Variants in ALS2 observed in about 807,000 individuals in gnomAD.
ALS2 encodes alsin.
A neutral mutation model predicts 203.4 loss-of-function variants in ALS2; 117 were observed. The ratio of observed to expected loss-of-function variants is 0.58; its 90% confidence interval spans 0.50 to 0.67. The LOEUF (loss-of-function observed/expected upper bound fraction) is 0.67, where lower values mean the gene tolerates loss of function less well. Among genes scored for constraint, ALS2 ranks in the 30% least tolerant of loss-of-function variants. The pLI is 0.00. For missense variants in ALS2, 1,715 were observed against 1,989.4 expected, an observed-to-expected ratio of 0.86 and a Z score of 2.62; for synonymous variants, 718 against 725.9, an observed-to-expected ratio of 0.99 and a Z score of 0.17.
intron 9 of ALS2, among the ~76,000 whole-genome samples, chr2:201,745,371 G>T (rs971508171): frequency 1.3e-5 from 2 of 151,830 alleles, no homozygotes; most frequent in Admixed American, 1.3e-4. Flanking sequence ...TAGCAAGAAA[G>T]ATCTTGTCCC....
rs1012550687 is a variant in ALS2, at chr2:201,760,716, A to G, written c.1113+165T>C. On this transcript the variant is annotated intron_variant, in intron 4 of 33. Coordinates refer to ENST00000264276, the MANE Select transcript of ALS2 (RefSeq NM_020919.4). ...AAACATAAAGAGTGATTTTGAATTAATCCAGGTTCTTTCCTTTATCTAGGC... is the reference window on the plus strand; with the variant it reads ...AAACATAAAGAGTGATTTTGAATTAGTCCAGGTTCTTTCCTTTATCTAGGC... The G allele has an allele frequency of 3.9e-5, 55 of 1,427,310 alleles. No individual in the cohort carries two copies. The African/African-American group carries it at 7.6e-4, about 20-fold the overall frequency. The allele number at this position is 1,427,310 out of a possible 1,614,324, so 88.4% of individuals were successfully genotyped here.
chr2:201,727,250 C>G lies in ALS2; in HGVS notation c.2941G>C (p.Glu981Gln), dbSNP rs1343061440. The G allele has an allele frequency of 7.4e-6, 12 of 1,613,268 alleles. No individual in the cohort carries two copies. The highest frequency in any genetic ancestry group is 1.0e-5 in the Non-Finnish European group (12 of 1,179,624). Residue 981 changes from glutamate (E) to glutamine (Q), a missense_variant, in exon 17 of 34, where the codon GAG becomes CAG. Coordinates refer to ENST00000264276, the MANE Select transcript of ALS2 (RefSeq NM_020919.4). ...VNGLKITTPE[E>Q]QFTLISSTPQ... ...GTAGATGAAATGAGAGTGAACTGCT[C>G]CTCAGGTGTAGTTATCTTTAAGCCA...
rs10655798 is a variant in ALS2 at position 201,769,002 on chromosome 2, T to TA, written c.-60-58dup. The TA allele has an allele frequency of 0.17, 105,220 of 613,666 alleles. 3,173 individuals are homozygous for TA. Among genetic ancestry groups the TA allele is most frequent in the East Asian group, 0.31 (9,496 of 31,054 alleles). The allele number at this position is 613,666 out of a possible 1,614,324, so 38.0% of individuals were successfully genotyped here. ...AAAGAATATTTTACCCCTCAGACAT[T>TA]AAAAAAAAAAAAAGCAGCCCTCTAA... On this transcript the variant is annotated intron_variant, in intron 1 of 33. Transcript: ENST00000264276.
Position 201,709,905 on chromosome 2 carries a change from A to G in ALS2, c.4256T>C (p.Leu1419Pro). The change falls in exon 27 of 34, where the codon CTT becomes CCT. Residue 1419 changes from leucine to proline, a missense_variant. Around this residue, in one of 3 missense-constraint regions of ALS2, gnomAD observed 1,227 missense variants for 1,413.5 expected, o/e 0.87. Transcript: ENST00000264276. ...CCTCACCAGCTGGAAAATTCGCTTA[A>G]GATAGGACTTAATCTCCTTTACAGC... The part of the protein sequence containing the change: ...QEAVKEIKSY[L>P]KRIFQLVRFL... 6.2e-7 allele frequency: 1 copy of G among 1,614,160 alleles called. No homozygotes were observed. The highest frequency in any genetic ancestry group is 8.5e-7 in the Non-Finnish European group (1 of 1,180,018).
In ALS2 at chr2:201,768,938, A is replaced by G. The variant is rs1694239862; in HGVS notation, c.-53T>C. On this transcript the variant is annotated 5_prime_UTR_variant, in exon 2 of 34. Coordinates refer to ENST00000264276, the MANE Select transcript of ALS2 (RefSeq NM_020919.4). The stretch of plus-strand genomic sequence containing the variant: ...ATCATTCCTTCTTTACAGAAAGTCT[A>G]TCAAGACCTAAACAGTACAAGTAAG... The G allele has an allele frequency of 1.9e-6, 3 of 1,559,856 alleles. No individual in the cohort carries two copies. In the African/African-American group the frequency reaches 4.1e-5, roughly 21 times the overall value.
rs1212837131 is a variant in ALS2 at position 201,701,439 on chromosome 2, A to C, written c.*412T>G. ...CTTGCAAACGGATCGGGGTAACTGC[A>C]GGTGGATTCAGGCAAACCAGAAATT... On this transcript the variant is annotated 3_prime_UTR_variant, in exon 34 of 34. Coordinates refer to ENST00000264276, the MANE Select transcript of ALS2 (RefSeq NM_020919.4). 2.4e-5 allele frequency: 4 copies of C among 170,078 alleles called. No homozygotes were observed. The East Asian group carries it at 6.4e-4, about 27-fold the overall frequency. The allele number at this position is 170,078 out of a possible 1,614,324, so 10.5% of individuals were successfully genotyped here. A position where few individuals can be genotyped will look rare whatever the true frequency, so the allele number is the denominator to read the frequency against.
intron 1 of ALS2, among the ~76,000 whole-genome samples, chr2:201,770,906 T>G (rs940579453): frequency 1.2e-4 from 19 of 152,340 alleles, no homozygotes; most frequent in Admixed American, 3.9e-4. Flanking sequence ...TGTGACAGAC[T>G]TTCAGCCCAC....
chr2:201,741,832 T>C lies in ALS2; in HGVS notation c.2193A>G (p.Thr731=), dbSNP rs757561918. The C allele has an allele frequency of 5.0e-6, 8 of 1,614,032 alleles. No homozygotes were observed. The Admixed American group carries it at 8.3e-5, about 17-fold the overall frequency. ...TAGCCACCTCCTGCAACAGCTGGAC[T>C]GTAGTTGTAGTGCCCAAATTTTCTA... is the stretch of plus-strand genomic sequence containing the variant. ...LSLENLGTTT[T]VQLLQEVASR... The change falls in exon 11 of 34, where the codon ACA becomes ACG. Residue 731 remains threonine, a synonymous_variant. Transcript: ENST00000264276.
At chr2:201,780,125 A>G (rs1694830488) in intron 1 of ALS2, 1 of 152,252 alleles carries the variant, frequency 6.6e-6, no homozygotes, top group African/African-American at 2.4e-5. Context: ...ATGCCACTTC[A>G]ACAAGAGTGT....
chr2:201,723,478 G>A, intron 21 of ALS2, 37 bp from the exon 22 acceptor site: 3 of 1,537,930 alleles, frequency 2.0e-6, no homozygotes, highest in Non-Finnish European at 2.7e-6. Flanking sequence ...AAGCACTGAA[G>A]ATAAGGATAA....
chr2:201,769,790 T>G (rs1694289650), intron 1 of ALS2, among the ~76,000 whole-genome samples: 2 of 152,138 alleles, frequency 1.3e-5, no homozygotes, highest in Non-Finnish European at 2.9e-5. Context: ...GGGGCCAAAT[T>G]TGTGGTTTTT....
rs896581478 is a variant in ALS2 at position 201,701,639 on chromosome 2, T to C, written c.*212A>G. ...AGGCCAAGAACTGGTCTAATCTGAT[T>C]TTTTACCTCCCTTTCAATCCTCCCT... On this transcript the variant is annotated 3_prime_UTR_variant, in exon 34 of 34. Coordinates refer to ENST00000264276, the MANE Select transcript of ALS2 (RefSeq NM_020919.4). The C allele has an allele frequency of 1.8e-6, 1 of 562,960 alleles. No individual in the cohort carries two copies. Among genetic ancestry groups the C allele is most frequent in the Non-Finnish European group, 3.2e-6 (1 of 313,490 alleles). 34.9% of individuals were successfully genotyped at this position (562,960 alleles called of 1,614,324 possible).
chr2:201,702,990 C>T (rs1689482578), intron 33 of ALS2, among the ~76,000 whole-genome samples: 1 of 152,080 alleles, frequency 6.6e-6, no homozygotes, highest in Non-Finnish European at 1.5e-5. Flanking sequence ...GTGGCAGGCA[C>T]TTGTAATCCC....
chr2:201,746,244 TATC>T (rs1025407035), intron 9 of ALS2, among the ~76,000 whole-genome samples: 3 of 152,186 alleles, frequency 2.0e-5, no homozygotes, highest in African/African-American at 7.2e-5. Flanking sequence ...GCTCATCAAA[TATC>T]ATCAAAATAT....
At chr2:201,744,450 A>G (rs1692494179) in intron 9 of ALS2, 21 bp from the exon 10 acceptor site, 1 of 1,608,948 alleles carries the variant, frequency 6.2e-7, no homozygotes, top group African/African-American at 1.3e-5. Flanking sequence ...AGAAAACAAA[A>G]GGATTAAATA....
chr2:201,736,394 G>A (rs531735938), intron 12 of ALS2, among the ~76,000 whole-genome samples: 31 of 152,116 alleles, frequency 2.0e-4, no homozygotes, highest in East Asian at 9.7e-4. Context: ...AAATACTTTC[G>A]AAAATATTTA....
rs757760832 is a variant in ALS2, at chr2:201,761,439, A to C, written c.555T>G (p.Thr185=). 6.2e-7 allele frequency: 1 copy of C among 1,607,228 alleles called. No homozygotes were observed. The highest frequency in any genetic ancestry group is 2.2e-5 in the East Asian group (1 of 44,682). Residue 185 remains threonine (T), a synonymous_variant, in exon 4 of 34, where the codon ACT becomes ACG. Coordinates refer to ENST00000264276, the MANE Select transcript of ALS2 (RefSeq NM_020919.4). ...TTTGCGGCTTTGTCACTGGGAAGGC[A>C]GTGGTAATGAGACCCAACTGACAAC... ...GTGCQLGLIT[T]AFPVTKPQKV...
chr2:201,745,184 C>T (rs1488351527), intron 9 of ALS2, among the ~76,000 whole-genome samples: 3 of 152,206 alleles, frequency 2.0e-5, no homozygotes, highest in African/African-American at 7.2e-5. Flanking sequence ...CAACTACAGA[C>T]ACATCTTGGC....
chr2:201,766,426 A>G (rs1185975509), intron 3 of ALS2, among the ~76,000 whole-genome samples: 1 of 151,904 alleles, frequency 6.6e-6, no homozygotes, highest in Admixed American at 6.6e-5. Flanking sequence ...CGGGTGGATC[A>G]CCTGAGGTCA....
Sources: allele counts gnomAD v4.1 joint callset (sites outside exome capture counted in the v4.1 genomes callset), GRCh38; gene constraint gnomAD v4.1.1; regional missense constraint gnomAD v4.1.1; transcripts MANE v1.5; gene names NCBI Gene and HGNC (gene_info 2026-07-23, HGNC 2026-07-21).